Variants in NEDD4 observed in about 807,000 individuals in gnomAD.
The protein encoded by NEDD4 is E3 ubiquitin-protein ligase NEDD4.
In NEDD4, 99 loss-of-function variants were observed where a neutral mutation model predicts 144.9. The ratio of observed to expected loss-of-function variants is 0.68; its 90% confidence interval spans 0.58 to 0.81. The LOEUF (loss-of-function observed/expected upper bound fraction) is 0.81, where lower values mean the gene tolerates loss of function less well. Ranked by LOEUF, NEDD4 falls within the 30% of genes least tolerant of loss-of-function variation. NEDD4 has a pLI of 0.00. For synonymous variants in NEDD4, 318 were observed against 350.6 expected (o/e 0.91, Z 1.04); for missense variants, 985 against 1,065.9 (o/e 0.92, Z 1.06).
intron 5 of NEDD4, among the ~76,000 whole-genome samples, chr15:55,922,583 G>T (rs2036588682): frequency 1.3e-5 from 2 of 152,072 alleles, no homozygotes; most frequent in African/African-American, 4.8e-5. Context: ...GCCTGGTCTT[G>T]AACTCCTGAC....
At position 55,834,050 on chromosome 15, in the gene NEDD4, C is replaced by T. The variant is rs777106875; in HGVS notation, c.2418G>A (p.Gln806=). Residue 806 remains glutamine (Q), a synonymous_variant, in exon 26 of 29, where the codon CAG becomes CAA. Coordinates refer to ENST00000435532, the MANE Select transcript of NEDD4 (RefSeq NM_006154.4). ...NGYSANHQVI[Q]WFWKAVLMMD... is the part of the protein sequence containing the mutation. ...AGTTTCAAATTACCTTCCAAAACCACTGTATAACCTGATGATTTGCACTGT... is the reference window on the plus strand; with the variant it reads ...AGTTTCAAATTACCTTCCAAAACCATTGTATAACCTGATGATTTGCACTGT... The T allele has an allele frequency of 1.2e-6, 2 of 1,611,778 alleles. No individual in the cohort carries two copies. Among genetic ancestry groups the T allele is most frequent in the Non-Finnish European group, 1.7e-6 (2 of 1,179,312 alleles).
At chr15:55,853,108 A>C (rs1386782260) in intron 12 of NEDD4, among the ~76,000 whole-genome samples, 1 of 152,144 alleles carries the variant, frequency 6.6e-6, no homozygotes, top group Admixed American at 6.6e-5. Flanking sequence ...TCCCTTCTTC[A>C]CTACTTGTTT....
intron 2 of NEDD4, among the ~76,000 whole-genome samples, chr15:55,965,712 T>C (rs2037501228): frequency 6.6e-6 from 1 of 151,938 alleles, no homozygotes; most frequent in Non-Finnish European, 1.5e-5. Flanking sequence ...GTATGTATTT[T>C]TGTTTTTGAG....
chr15:55,941,870 G>A (rs2037012030), intron 4 of NEDD4, among the ~76,000 whole-genome samples: 1 of 152,170 alleles, frequency 6.6e-6, no homozygotes, highest in Non-Finnish European at 1.5e-5. Flanking sequence ...ATTGCGCCCA[G>A]CCAATCCTGT....
chr15:55,855,406 G>A (rs1370647751), intron 12 of NEDD4, among the ~76,000 whole-genome samples: 2 of 152,190 alleles, frequency 1.3e-5, no homozygotes, highest in African/African-American at 2.4e-5. Flanking sequence ...GGAAGAAAAA[G>A]CATAGACAGG....
Position 55,846,981 on chromosome 15 carries a change from C to CT in NEDD4, c.1595dup (p.Leu533ValfsTer6). The stretch of plus-strand genomic sequence containing the variant: ...AAACATGACTAACCTGCTTCTTCAA[C>CT]TTTCTTCGGAAGAACTCATACTTTC... On this transcript the variant is annotated frameshift_variant, in exon 18 of 29. Transcript: ENST00000435532. LOFTEE classifies it high-confidence loss of function. 1.2e-6 allele frequency: 2 copies of CT among 1,606,378 alleles called. No individual in the cohort carries two copies. The highest frequency in any genetic ancestry group is 1.7e-6 in the Non-Finnish European group (2 of 1,173,948).
In NEDD4 at chr15:55,833,076, C is replaced by CT. The variant is rs1452682012; in HGVS notation, c.2458dup (p.Arg820LysfsTer21). The CT allele has an allele frequency of 1.2e-6, 2 of 1,612,478 alleles. No homozygotes were observed. The highest frequency in any genetic ancestry group is 8.5e-7 in the Non-Finnish European group (1 of 1,179,498). ...AGTGACAAACTGAAGTAATCTTATT[C>CT]TTTTTTCTGAATCCATCATTAAAAC... On this transcript the variant is annotated frameshift_variant, in exon 27 of 29. Transcript: ENST00000435532. LOFTEE classifies it high-confidence loss of function.
intron 11 of NEDD4, among the ~76,000 whole-genome samples, chr15:55,858,468 G>A (rs1432714609): frequency 6.6e-6 from 1 of 151,892 alleles, no homozygotes; most frequent in African/African-American, 2.4e-5. Context: ...CCACCACACC[G>A]AGCTAATTTT....
chr15:55,961,922 GTTTAAA>G (rs1207857366), intron 2 of NEDD4, among the ~76,000 whole-genome samples: 12 of 152,136 alleles, frequency 7.9e-5, no homozygotes, highest in African/African-American at 2.9e-4. Context: ...TCATAATATT[GTTTAAA>G]TTTATGTTTT....
At chr15:55,974,343 G>T (rs1157480460) in intron 1 of NEDD4, among the ~76,000 whole-genome samples, 2 of 152,144 alleles carry the variant, frequency 1.3e-5, no homozygotes, top group African/African-American at 4.8e-5. Flanking sequence ...AATATTTAAA[G>T]AAGAATTAAT....
In NEDD4 at chr15:55,827,384, C is replaced by T. The variant is rs1166197539; in HGVS notation, c.*2513G>A. 2 of 152,068 alleles carry T rather than the reference C, an allele frequency of 1.3e-5. No homozygotes were observed. Among genetic ancestry groups the T allele is most frequent in the Non-Finnish European group, 2.9e-5 (2 of 68,018 alleles). The allele number at this position is 152,068 out of a possible 1,614,324, so 9.4% of individuals were successfully genotyped here. A position where few individuals can be genotyped will look rare whatever the true frequency, so the allele number is the denominator to read the frequency against. On this transcript the variant is annotated 3_prime_UTR_variant, in exon 29 of 29. Coordinates refer to ENST00000435532, the MANE Select transcript of NEDD4 (RefSeq NM_006154.4). Reference sequence around the variant, plus strand: ...TAGATGTTTCTTCCAGACCACGAGCCCCTAGTGGGAGATGAAGGGGATGAA... The same window carrying T: ...TAGATGTTTCTTCCAGACCACGAGCTCCTAGTGGGAGATGAAGGGGATGAA...
At chr15:55,832,754 A>G (rs1355627475) in intron 27 of NEDD4, among the ~76,000 whole-genome samples, 1 of 152,176 alleles carries the variant, frequency 6.6e-6, no homozygotes, top group East Asian at 1.9e-4. Context: ...TACTGGGCAT[A>G]GAATTTGAAG....
chr15:55,943,232 G>C (rs2037040970), intron 4 of NEDD4, among the ~76,000 whole-genome samples: 1 of 152,226 alleles, frequency 6.6e-6, no homozygotes, highest in African/African-American at 2.4e-5. Flanking sequence ...TGATCATGTG[G>C]TAGAAAAGAA....
At chr15:55,858,057 T>C (rs2034264532) in intron 11 of NEDD4, among the ~76,000 whole-genome samples, 1 of 152,228 alleles carries the variant, frequency 6.6e-6, no homozygotes, top group Non-Finnish European at 1.5e-5. Flanking sequence ...ATATTTATGC[T>C]CTGCATTTAA....
At position 55,894,724 on chromosome 15, in the gene NEDD4, G is replaced by T. The variant is rs548425822; in HGVS notation, c.292-20716C>A. Among the ~76,000 whole-genome samples, 31 of 152,114 alleles carry T rather than the reference G, an allele frequency of 2.0e-4. No individual in the cohort carries two copies. The South Asian group carries it at 6.2e-3, about 31-fold the overall frequency. ...TACCTTGTCAAGTTTATCTTTACAT[G>T]CTCTAAAGTTTCATTCATGATTTAT... is the stretch of plus-strand genomic sequence containing the variant. On this transcript the variant is annotated intron_variant, in intron 5 of 28. Transcript: ENST00000435532.
chr15:55,969,763 A>G (rs2142335496), intron 1 of NEDD4, among the ~76,000 whole-genome samples: 1 of 152,272 alleles, frequency 6.6e-6, no homozygotes, highest in Admixed American at 6.5e-5. Flanking sequence ...CGGGGTAGCC[A>G]GGCAGCAGTT....
chr15:55,963,812 G>C (rs1381619579), intron 2 of NEDD4, among the ~76,000 whole-genome samples: 1 of 152,110 alleles, frequency 6.6e-6, no homozygotes, highest in Non-Finnish European at 1.5e-5. Flanking sequence ...TACAGCACAG[G>C]TCTGCCAATG....
chr15:55,844,090 G>C (rs569400150), intron 18 of NEDD4, among the ~76,000 whole-genome samples: 1 of 152,176 alleles, frequency 6.6e-6, no homozygotes, highest in African/African-American at 2.4e-5. Flanking sequence ...GGCTTTGAGA[G>C]GAAGTCTTTA....
At chr15:55,861,866 T>G (rs10851599) in intron 9 of NEDD4, among the ~76,000 whole-genome samples, 48,633 of 151,988 alleles carry the variant, frequency 0.32, 7,941 homozygotes, top group South Asian at 0.44. Flanking sequence ...GTTCTTACTG[T>G]ACCGTAGCTA....
Sources: allele counts gnomAD v4.1 joint callset (sites outside exome capture counted in the v4.1 genomes callset), GRCh38; gene constraint gnomAD v4.1.1; transcripts MANE v1.5; gene names NCBI Gene and HGNC (gene_info 2026-07-23, HGNC 2026-07-21).